Variants in JPH2 observed in about 807,000 individuals in gnomAD.
The protein encoded by JPH2 is junctophilin-2.
A neutral mutation model predicts 55.9 loss-of-function variants in JPH2; 38 were observed. That is an observed-to-expected ratio of 0.68 (90% confidence interval 0.52 to 0.89). The LOEUF (loss-of-function observed/expected upper bound fraction) is 0.89. JPH2 is among the 40% of genes least tolerant of loss of function. The pLI, the probability that JPH2 is intolerant of heterozygous loss-of-function variation, is 0.00. For missense variants in JPH2, 964 were observed against 1,037.6 expected, an observed-to-expected ratio of 0.93 and a Z score of 0.97; for synonymous variants, 480 against 472.4, an observed-to-expected ratio of 1.02 and a Z score of -0.21.
intron 2 of JPH2, among the ~76,000 whole-genome samples, chr20:44,142,561 GCT>G (rs1168478416): frequency 1.3e-5 from 2 of 152,160 alleles, no homozygotes; most frequent in African/African-American, 4.8e-5. Flanking sequence ...CCCCTGGCCA[GCT>G]CTTTCAGCTC....
intron 2 of JPH2, among the ~76,000 whole-genome samples, chr20:44,128,095 C>A (rs997314862): frequency 1.3e-5 from 2 of 152,136 alleles, no homozygotes; most frequent in Non-Finnish European, 2.9e-5. Context: ...CTTTGAAGTA[C>A]AAAAGTTATT....
chr20:44,135,180 T>C (rs1279417978), intron 2 of JPH2, among the ~76,000 whole-genome samples: 1 of 151,806 alleles, frequency 6.6e-6, no homozygotes, highest in Non-Finnish European at 1.5e-5. Context: ...TCCAGAAACC[T>C]TCCCCAGAGG....
intron 1 of JPH2, among the ~76,000 whole-genome samples, chr20:44,162,745 CATATATATAT>C (rs1157323951): frequency 0.02 from 1,047 of 52,366 alleles, 20 homozygotes; most frequent in East Asian, 0.13. Context: ...AATAAACTTC[CATATATATAT>C]ATATATATAT....
Position 44,186,940 on chromosome 20 carries a change from G to C in JPH2, c.-235C>G. 1 of 591,414 alleles carries C rather than the reference G, an allele frequency of 1.7e-6. No homozygotes were observed. Among genetic ancestry groups the C allele is most frequent in the Non-Finnish European group, 3.0e-6 (1 of 332,290 alleles). 36.6% of individuals were successfully genotyped at this position (591,414 alleles called of 1,614,324 possible). On this transcript the variant is annotated 5_prime_UTR_variant, in exon 1 of 6. Coordinates refer to ENST00000372980, the MANE Select transcript of JPH2 (RefSeq NM_020433.5). ...GCCCCGACTCCACCAGCCAGAGCAA[G>C]GCTGCCTGCTGGAAAGAAAGCAGGA...
Position 44,186,767 on chromosome 20 carries a change from G to A in JPH2, c.-62C>T. On this transcript the variant is annotated 5_prime_UTR_variant, in exon 1 of 6. Coordinates refer to ENST00000372980, the MANE Select transcript of JPH2 (RefSeq NM_020433.5). ...CGTGGGTGCAGAGGGCGTGGGTGATGCCTGCAACACTCCTCCAGTGCCCTC... is the reference window on the plus strand; with the variant it reads ...CGTGGGTGCAGAGGGCGTGGGTGATACCTGCAACACTCCTCCAGTGCCCTC... The A allele has an allele frequency of 1.3e-6, 2 of 1,516,880 alleles. No individual in the cohort carries two copies. The highest frequency in any genetic ancestry group is 1.8e-6 in the Non-Finnish European group (2 of 1,106,516). The allele number at this position is 1,516,880 out of a possible 1,614,324, so 94.0% of individuals were successfully genotyped here.
At chr20:44,144,047 A>C (rs557192526) in intron 2 of JPH2, among the ~76,000 whole-genome samples, 4 of 152,324 alleles carry the variant, frequency 2.6e-5, no homozygotes, top group Admixed American at 2.6e-4. Flanking sequence ...AGCCTCGCCA[A>C]GTTCCATCCC....
chr20:44,172,266 G>A lies in JPH2; in HGVS notation c.380-11859C>T, dbSNP rs567147265. ...TGAGATGGCTGATCACCCTAAATTG[G>A]GGTGAGAAGGAAAAAGGGGCATTTC... is the stretch of plus-strand genomic sequence containing the variant. On this transcript the variant is annotated intron_variant, in intron 1 of 5. Coordinates refer to ENST00000372980, the MANE Select transcript of JPH2 (RefSeq NM_020433.5). 1.1e-4 allele frequency among the ~76,000 whole-genome samples: 17 copies of A among 152,230 alleles called. No individual in the cohort carries two copies. The South Asian group carries it at 1.2e-3, about 11-fold the overall frequency.
At chr20:44,143,488 G>A (rs1600848413) in intron 2 of JPH2, among the ~76,000 whole-genome samples, 1 of 152,222 alleles carries the variant, frequency 6.6e-6, no homozygotes, top group East Asian at 1.9e-4. Context: ...AGTGAATGCG[G>A]CACTGGAGCC....
intron 2 of JPH2, among the ~76,000 whole-genome samples, chr20:44,121,757 C>A (rs2072238540): frequency 1.3e-5 from 2 of 151,974 alleles, no homozygotes; most frequent in South Asian, 4.2e-4. Flanking sequence ...GAGGCTGAGG[C>A]AGGAAGATCA....
chr20:44,142,237 A>G (rs2072462400), intron 2 of JPH2, among the ~76,000 whole-genome samples: 4 of 152,198 alleles, frequency 2.6e-5, no homozygotes, highest in Admixed American at 1.3e-4. Context: ...AAAATGTTCT[A>G]TATCTGTGCT....
intron 2 of JPH2, among the ~76,000 whole-genome samples, chr20:44,134,459 TAA>T (rs1319028651): frequency 5.9e-4 from 1 of 1,682 alleles, no homozygotes; most frequent in Non-Finnish European, 1.0e-3. Flanking sequence ...ATATTTATTA[TAA>T]ATATATATAA....
At chr20:44,114,605 T>TGC (rs1231918520) in intron 5 of JPH2, among the ~76,000 whole-genome samples, 177 bp downstream of exon 5, 17 of 116,224 alleles carry the variant, frequency 1.5e-4, no homozygotes, top group African/African-American at 5.6e-4. Context: ...TGTGTGTGTG[T>TGC]GTGTGCGCTG....
chr20:44,118,739 C>T, intron 2 of JPH2, 116 bp from the exon 3 acceptor site: 1 of 827,928 alleles, frequency 1.2e-6, no homozygotes, highest in Non-Finnish European at 2.1e-6. Flanking sequence ...CGCAGGCAGT[C>T]AATGAATATT....
intron 2 of JPH2, among the ~76,000 whole-genome samples, chr20:44,155,365 G>A (rs1291007477): frequency 6.6e-6 from 1 of 152,146 alleles, no homozygotes; most frequent in Non-Finnish European, 1.5e-5. Flanking sequence ...CTGCCTAAGT[G>A]GCCCAGGGTG....
chr20:44,160,384 T>G lies in JPH2; in HGVS notation c.403A>C (p.Asn135His). The change falls in exon 2 of 6, where the codon AAC (asparagine) becomes CAC (histidine). Residue 135 changes from asparagine to histidine, a missense_variant. By Grantham distance (68) the Asn-to-His change is moderately conservative. Transcript: ENST00000372980. This position sits in a 1 kb window ranked among gnomAD's most constrained non-coding sequence, Gnocchi z 4.9. The part of the protein sequence containing the change: ...DGGTYQGQFT[N>H]GMRHGYGVRQ... The stretch of plus-strand genomic sequence containing the variant: ...ACTCCGTAGCCATGGCGCATGCCGT[T>G]GGTGAACTGGCCTTGGTACGTCCCT... 1 of 1,608,978 alleles carries G rather than the reference T, an allele frequency of 6.2e-7. No homozygotes were observed. The highest frequency in any genetic ancestry group is 1.1e-5 in the South Asian group (1 of 90,104).
At chr20:44,172,481 TTTTTG>T (rs148159574) in intron 1 of JPH2, among the ~76,000 whole-genome samples, 11,610 of 151,964 alleles carry the variant, frequency 0.076, 518 homozygotes, top group Middle Eastern at 0.11. Context: ...ATATAAATAT[TTTTTG>T]TTTTGTTTTG....
intron 1 of JPH2, among the ~76,000 whole-genome samples, chr20:44,166,625 G>T (rs559887276): frequency 7.2e-5 from 11 of 152,224 alleles, no homozygotes; most frequent in Non-Finnish European, 1.5e-4. Context: ...AGTGGCAAGA[G>T]GCACAGACAC....
chr20:44,181,186 C>A (rs1177086473), intron 1 of JPH2, among the ~76,000 whole-genome samples: 1 of 151,894 alleles, frequency 6.6e-6, no homozygotes, highest in African/African-American at 2.4e-5. Flanking sequence ...AGGGAGGGGT[C>A]GGCGAGATGG....
At chr20:44,155,592 C>T (rs190646814) in intron 2 of JPH2, among the ~76,000 whole-genome samples, 3 of 152,046 alleles carry the variant, frequency 2.0e-5, no homozygotes, top group Non-Finnish European at 4.4e-5. Context: ...AAGGATGGAG[C>T]GGGAAAAGAG....
Sources: allele counts gnomAD v4.1 joint callset (sites outside exome capture counted in the v4.1 genomes callset), GRCh38; gene constraint gnomAD v4.1.1; non-coding constraint Gnocchi (gnomAD v3.1); transcripts MANE v1.5; gene names NCBI Gene and HGNC (gene_info 2026-07-23, HGNC 2026-07-21).